The following LARP1B variants were observed in gnomAD, a reference collection of about 807,000 sequenced individuals.
LARP1B encodes La ribonucleoprotein 1B, also known as la-related protein 1B.
Under a neutral mutation model 114.2 loss-of-function variants are expected in LARP1B, and 76 were observed. The ratio of observed to expected loss-of-function variants is 0.67; its 90% confidence interval spans 0.55 to 0.81. The LOEUF is 0.81. Among genes scored for constraint, LARP1B ranks in the 30% least tolerant of loss-of-function variants. LARP1B has a pLI of 0.00. For missense variants in LARP1B, 1,014 were observed against 1,075.8 expected, an observed-to-expected ratio of 0.94 and a Z score of 0.80; for synonymous variants, 345 against 348.0, an observed-to-expected ratio of 0.99 and a Z score of 0.10.
intron 12 of LARP1B, among the ~76,000 whole-genome samples, chr4:128,176,574 G>A (rs1211314956): frequency 1.3e-5 from 2 of 152,030 alleles, no homozygotes; most frequent in South Asian, 2.1e-4. Context: ...GATTACAGGC[G>A]TGAGCCACTG....
chr4:128,184,367 A>C (rs529439205), intron 15 of LARP1B, among the ~76,000 whole-genome samples: 4 of 152,338 alleles, frequency 2.6e-5, no homozygotes, highest in African/African-American at 9.6e-5. Flanking sequence ...CTCCACCAGC[A>C]AAAAGACTAT....
At chr4:128,184,971 T>C (rs975253227) in intron 15 of LARP1B, among the ~76,000 whole-genome samples, 1 of 152,204 alleles carries the variant, frequency 6.6e-6, no homozygotes, top group African/African-American at 2.4e-5. Context: ...TGTATGTGCC[T>C]ATGTATGTAT....
Position 128,176,947 on chromosome 4 carries a change from C to T in LARP1B, c.1684+40C>T, listed in dbSNP as rs1442749751. 6 of 1,564,848 alleles carry T rather than the reference C, an allele frequency of 3.8e-6. No homozygotes were observed. In the African/African-American group the frequency reaches 5.4e-5, roughly 14 times the overall value. ...GGGTATTAAAGGGAGGCTATGATAT[C>T]CTTTGCATTGGGTATACAAAAGATG... On this transcript the variant is annotated intron_variant, in intron 13 of 19. Coordinates refer to ENST00000326639, the MANE Select transcript of LARP1B (RefSeq NM_018078.4).
chr4:128,209,134 T>C (rs985080133), intron 19 of LARP1B, among the ~76,000 whole-genome samples: 8 of 152,120 alleles, frequency 5.3e-5, no homozygotes, highest in African/African-American at 1.9e-4. Context: ...AAACATGTGT[T>C]GAGGCCAGGC....
At chr4:128,096,231 G>A (rs1777946538) in intron 7 of LARP1B, among the ~76,000 whole-genome samples, 1 of 152,046 alleles carries the variant, frequency 6.6e-6, no homozygotes, top group Admixed American at 6.6e-5. Flanking sequence ...CTGACCTCGT[G>A]ATCCGCCCGC....
At chr4:128,123,752 A>G (rs912737856) in intron 11 of LARP1B, 1 of 966,114 alleles carries the variant, frequency 1.0e-6, no homozygotes. Flanking sequence ...TTCTGTGGGA[A>G]ATGTTTTCAG....
intron 11 of LARP1B, among the ~76,000 whole-genome samples, chr4:128,150,284 A>AT (rs1410658610): frequency 1.4e-5 from 2 of 144,468 alleles, no homozygotes; most frequent in Non-Finnish European, 3.0e-5. Context: ...TATAGCTTTA[A>AT]TTTTTTTCTT....
chr4:128,119,108 C>T (rs1399073664), intron 10 of LARP1B, among the ~76,000 whole-genome samples: 1 of 152,050 alleles, frequency 6.6e-6, no homozygotes, highest in Non-Finnish European at 1.5e-5. Flanking sequence ...TGGTCTCGAA[C>T]TCCTGACCTC....
chr4:128,083,825 CG>C (rs1561116808), intron 5 of LARP1B, among the ~76,000 whole-genome samples: 1 of 150,484 alleles, frequency 6.6e-6, no homozygotes, highest in Non-Finnish European at 1.5e-5. Flanking sequence ...CCCTCCCGGA[CG>C]GGGCGGCTGC....
intron 11 of LARP1B, among the ~76,000 whole-genome samples, chr4:128,139,357 G>A (rs1726884418): frequency 6.6e-6 from 1 of 152,226 alleles, no homozygotes; most frequent in Non-Finnish European, 1.5e-5. Flanking sequence ...GTCAGGCATA[G>A]TGCTGTGCAC....
intron 5 of LARP1B, among the ~76,000 whole-genome samples, chr4:128,087,473 A>G (rs1774088726): frequency 6.6e-6 from 1 of 152,202 alleles, no homozygotes; most frequent in Non-Finnish European, 1.5e-5. Flanking sequence ...AAAACTTTAA[A>G]CATACAAAAA....
chr4:128,134,800 G>A (rs1242219006), intron 11 of LARP1B, among the ~76,000 whole-genome samples: 3 of 151,840 alleles, frequency 2.0e-5, no homozygotes, highest in South Asian at 2.1e-4. Context: ...GTTCTCTAAA[G>A]GTGATATGAA....
At chr4:128,190,316 G>C (rs182239928) in intron 15 of LARP1B, among the ~76,000 whole-genome samples, 5 of 152,244 alleles carry the variant, frequency 3.3e-5, no homozygotes, top group Admixed American at 2.0e-4. Context: ...AAAAAAATCA[G>C]AGCTCTTTTA....
chr4:128,112,968 CTCT>C (rs1784621305), intron 9 of LARP1B, among the ~76,000 whole-genome samples: 1 of 152,156 alleles, frequency 6.6e-6, no homozygotes, highest in South Asian at 2.1e-4. Context: ...TCTTGAAATA[CTCT>C]TCTTAAACCC....
At chr4:128,178,766 A>G (rs1747300950) in intron 14 of LARP1B, 124 bp downstream of exon 14, 2 of 825,078 alleles carry the variant, frequency 2.4e-6, no homozygotes, top group East Asian at 2.7e-5. Context: ...TCACTTAAAA[A>G]TCATACTTTA....
intron 15 of LARP1B, among the ~76,000 whole-genome samples, chr4:128,188,503 T>G (rs1751115521): frequency 6.6e-6 from 1 of 152,236 alleles, no homozygotes. Flanking sequence ...TAGTCTCAAT[T>G]TTATTTATTT....
At position 128,122,427 on chromosome 4, in the gene LARP1B, C is replaced by T. The variant is rs1455304308; in HGVS notation, c.1524+239C>T. 21 of 1,494,390 alleles carry T rather than the reference C, an allele frequency of 1.4e-5. No homozygotes were observed. The East Asian group carries it at 4.2e-4, about 30-fold the overall frequency. 92.6% of individuals were successfully genotyped at this position (1,494,390 alleles called of 1,614,324 possible). On this transcript the variant is annotated intron_variant, in intron 11 of 19. Transcript: ENST00000326639. ...ACAAAAGAAAATTAGTACTCACTGACTTATACCCTTGTTTTTTTTTTTTTT... is the reference window on the plus strand; with the variant it reads ...ACAAAAGAAAATTAGTACTCACTGATTTATACCCTTGTTTTTTTTTTTTTT...
chr4:128,158,924 G>A lies in LARP1B; in HGVS notation c.1525-3270G>A, dbSNP rs148455885. 3.2e-3 allele frequency among the ~76,000 whole-genome samples: 485 copies of A among 151,672 alleles called. 3 individuals are homozygous for A. The highest frequency in any genetic ancestry group is 0.011 in the African/African-American group (464 of 41,376). Reference sequence around the variant, plus strand: ...GTAGCTCATGCCTGTAATCCCAGCTGTTCTGGAGGCTGAGGCAGGAGGATT... The same window carrying A: ...GTAGCTCATGCCTGTAATCCCAGCTATTCTGGAGGCTGAGGCAGGAGGATT... On this transcript the variant is annotated intron_variant, in intron 11 of 19. Coordinates refer to ENST00000326639, the MANE Select transcript of LARP1B (RefSeq NM_018078.4).
intron 5 of LARP1B, among the ~76,000 whole-genome samples, chr4:128,083,759 G>T (rs1411061333): frequency 1.4e-4 from 21 of 145,470 alleles, no homozygotes; most frequent in Admixed American, 1.4e-3. Context: ...GGGCAGAGGC[G>T]CCCCTCACCT....
Sources: gnomAD v4.1 joint callset for allele counts (sites outside exome capture counted in the v4.1 genomes callset) on GRCh38, gnomAD v4.1.1 for gene constraint, MANE v1.5 for transcripts, NCBI Gene and HGNC (gene_info 2026-07-23, HGNC 2026-07-21) for gene names.